Variants in RECK observed in about 807,000 individuals in gnomAD.
RECK encodes the protein reversion inducing cysteine rich protein with kazal motifs.
RECK carries 69 observed loss-of-function variants against 115.1 expected under a neutral mutation model. The observed-to-expected ratio is 0.60, with a 90% CI of 0.49 to 0.73. The LOEUF is 0.73. RECK is among the 30% of genes least tolerant of loss of function. RECK has a pLI of 0.00. For synonymous variants in RECK, 414 were observed against 419.7 expected (o/e 0.99, Z 0.17); for missense variants, 1,047 against 1,203.7 (o/e 0.87, Z 1.93).
intron 1 of RECK, among the ~76,000 whole-genome samples, chr9:36,037,386 T>C (rs1190430446): frequency 1.3e-5 from 2 of 151,800 alleles, no homozygotes; most frequent in East Asian, 3.9e-4. Flanking sequence ...CGCTTGCCTC[T>C]GCTGCTTGTC....
chr9:36,086,695 C>T (rs1822978597), intron 8 of RECK, among the ~76,000 whole-genome samples: 1 of 152,188 alleles, frequency 6.6e-6, no homozygotes, highest in African/African-American at 2.4e-5. Flanking sequence ...CTGATTGCTA[C>T]CTTTACAAAC....
At chr9:36,045,596 C>CT (rs74741110) in intron 1 of RECK, among the ~76,000 whole-genome samples, 9,017 of 128,354 alleles carry the variant, frequency 0.07, 849 homozygotes, top group African/African-American at 0.23. Flanking sequence ...TAGAGGGAAT[C>CT]TTTTTTTTTT....
At chr9:36,087,662 C>T (rs777287845) in intron 8 of RECK, 32 bp from the exon 9 acceptor site, 23 of 1,590,180 alleles carry the variant, frequency 1.4e-5, no homozygotes, top group Non-Finnish European at 1.9e-5. Flanking sequence ...AAAAAAACAG[C>T]TAATTAAGCC....
intron 10 of RECK, among the ~76,000 whole-genome samples, chr9:36,092,519 G>T (rs1823197593): frequency 6.7e-6 from 1 of 150,156 alleles, no homozygotes; most frequent in Non-Finnish European, 1.5e-5. Flanking sequence ...GGGATTACAG[G>T]CGCCTGCCAC....
rs1823028123 is a variant in RECK at position 36,087,928 on chromosome 9, A to C, written c.872A>C (p.His291Pro). ...ACAGGCCTCGATGGGGCTAAATTGC[A>C]TTGTTGTTCTAAAGCAAACACTTCA... ...PSTGLDGAKL[H>P]CCSKANTSTC... The change falls in exon 9 of 21, where the codon CAT (histidine) becomes CCT (proline). Residue 291 changes from histidine (H) to proline (P), a missense_variant. Transcript: ENST00000377966. 1 of 1,613,552 alleles carries C rather than the reference A, an allele frequency of 6.2e-7. No homozygotes were observed. The highest frequency in any genetic ancestry group is 2.2e-5 in the East Asian group (1 of 44,876).
Position 36,123,302 on chromosome 9 carries a change from AC to A in RECK, c.*258del, listed in dbSNP as rs781539425. The A allele has an allele frequency of 5.0e-5, 20 of 398,498 alleles. No individual in the cohort carries two copies. The highest frequency in any genetic ancestry group is 8.5e-5 in the Non-Finnish European group (19 of 223,094). 24.7% of individuals were successfully genotyped at this position (398,498 alleles called of 1,614,324 possible). A position where few individuals can be genotyped will look rare whatever the true frequency, so the allele number is the denominator to read the frequency against. The stretch of plus-strand genomic sequence containing the variant: ...CTGGTAGACCACTGCCATATGATTT[AC>A]ATTTCCTCACCATAAGGGTCCCCCA... On this transcript the variant is annotated 3_prime_UTR_variant, in exon 21 of 21. Transcript: ENST00000377966.
chr9:36,111,005 G>A (rs539838234), intron 15 of RECK, among the ~76,000 whole-genome samples: 2 of 152,322 alleles, frequency 1.3e-5, no homozygotes, highest in East Asian at 3.9e-4. Context: ...CCCTGCTCAA[G>A]CAAGGACTAT....
At chr9:36,082,152 TTCTCTCTCTCTCTC>T (rs71508008) in intron 7 of RECK, among the ~76,000 whole-genome samples, 10 of 113,712 alleles carry the variant, frequency 8.8e-5, no homozygotes, top group South Asian at 4.0e-4. Context: ...CCTCCCTGCT[TTCTCTCTCTCTCTC>T]TCTCTCTCTC....
chr9:36,055,914 T>C (rs1821502728), intron 2 of RECK, among the ~76,000 whole-genome samples: 1 of 152,178 alleles, frequency 6.6e-6, no homozygotes, highest in Non-Finnish European at 1.5e-5. Flanking sequence ...GCTACCAATG[T>C]CATATCTTTC....
rs139331363 is a variant in RECK, at chr9:36,072,587, C to T, written c.405+6963C>T. On this transcript the variant is annotated intron_variant, in intron 6 of 20. Transcript: ENST00000377966. ...AAGCATCTTTTAGTTTATGCTGAGG[C>T]AACTTCAAGAATTGCCAGGATATAG... is the stretch of plus-strand genomic sequence containing the variant. The T allele has an allele frequency of 7.2e-5, 11 of 152,260 alleles. No homozygotes were observed. In the East Asian group the frequency reaches 2.1e-3, roughly 29 times the overall value. The allele number at this position is 152,260 out of a possible 1,614,324, so 9.4% of individuals were successfully genotyped here. A position where few individuals can be genotyped will look rare whatever the true frequency, so the allele number is the denominator to read the frequency against.
rs72729497 is a variant in RECK, at chr9:36,123,482, C to G, written c.*437C>G. 1,546 of 154,360 alleles carry G rather than the reference C, an allele frequency of 0.01. 15 individuals carry two copies. Among genetic ancestry groups the G allele is most frequent in the Non-Finnish European group, 0.016 (1,095 of 69,540 alleles). The allele number at this position is 154,360 out of a possible 1,614,324, so 9.6% of individuals were successfully genotyped here. On this transcript the variant is annotated 3_prime_UTR_variant, in exon 21 of 21. Coordinates refer to ENST00000377966, the MANE Select transcript of RECK (RefSeq NM_021111.3). ...TTTTGTTTACAGATAATTACCTACT[C>G]TGGCTAGAAGCTAGGGGTCCCAGTG...
intron 10 of RECK, among the ~76,000 whole-genome samples, chr9:36,095,377 TTACTGGTAA>T (rs1354332529): frequency 3.3e-5 from 5 of 152,214 alleles, no homozygotes; most frequent in African/African-American, 1.2e-4. Context: ...ACTTCTGGCT[TTACTGGTAA>T]TGCTTACCAA....
At chr9:36,117,985 AAAG>A (rs1285301553) in intron 17 of RECK, among the ~76,000 whole-genome samples, 1 of 152,178 alleles carries the variant, frequency 6.6e-6, no homozygotes, top group Non-Finnish European at 1.5e-5. Flanking sequence ...ATCTAAAAAA[AAAG>A]AAAAAACCAA....
At chr9:36,065,266 T>C (rs989675577) in intron 5 of RECK, among the ~76,000 whole-genome samples, 1 of 147,600 alleles carries the variant, frequency 6.8e-6, no homozygotes, top group Non-Finnish European at 1.5e-5. Flanking sequence ...TCCTCTGATT[T>C]ACAATTTCCT....
intron 20 of RECK, among the ~76,000 whole-genome samples, chr9:36,122,135 G>C (rs1418330367): frequency 6.6e-6 from 1 of 152,178 alleles, no homozygotes; most frequent in Non-Finnish European, 1.5e-5. Flanking sequence ...ATCAGAGCTG[G>C]TCATGTGGGC....
intron 2 of RECK, among the ~76,000 whole-genome samples, chr9:36,056,226 C>A (rs1289248306): frequency 6.9e-6 from 1 of 144,342 alleles, no homozygotes; most frequent in Non-Finnish European, 1.6e-5. Context: ...TTTGGAGCTA[C>A]AAATGATATG....
intron 10 of RECK, among the ~76,000 whole-genome samples, chr9:36,092,148 TAGAGTATTAGCCAGTAA>T (rs1225482337): frequency 2.0e-5 from 3 of 152,196 alleles, no homozygotes; most frequent in Non-Finnish European, 4.4e-5. Flanking sequence ...AAACTGGTGA[TAGAGTATTAGCCAGTAA>T]AGACCTGATT....
intron 16 of RECK, among the ~76,000 whole-genome samples, chr9:36,112,753 T>C (rs749399235): frequency 2.6e-4 from 40 of 151,996 alleles, no homozygotes; most frequent in Non-Finnish European, 5.3e-4. Context: ...GAGTAAGAGA[T>C]TGCAGGCAAG....
intron 9 of RECK, 127 bp downstream of exon 9, chr9:36,088,088 T>C (rs1022191340): frequency 1.4e-6 from 1 of 693,494 alleles, no homozygotes; most frequent in Non-Finnish European, 2.4e-6. Flanking sequence ...ATATAAAATA[T>C]TATTTCATCC....
Sources: gnomAD v4.1 joint callset for allele counts (sites outside exome capture counted in the v4.1 genomes callset) on GRCh38, gnomAD v4.1.1 for gene constraint, MANE v1.5 for transcripts, NCBI Gene and HGNC (gene_info 2026-07-23, HGNC 2026-07-21) for gene names.